The following SGIP1 variants were observed in gnomAD, a reference collection of about 807,000 sequenced individuals.
The protein encoded by SGIP1 is SH3-containing GRB2-like protein 3-interacting protein 1.
A neutral mutation model predicts 107.5 loss-of-function variants in SGIP1; 38 were observed. The ratio of observed to expected loss-of-function variants is 0.35; its 90% CI spans 0.27 to 0.46. SGIP1 has a LOEUF of 0.46. SGIP1 is among the 20% of genes least tolerant of loss of function. The pLI is 1.00. For missense variants in SGIP1, 929 were observed against 1,019.5 expected (o/e 0.91, Z 1.21); for synonymous variants, 365 against 366.1 (o/e 1.00, Z 0.03).
chr1:66,570,929 A>C (rs954485974), intron 1 of SGIP1, among the ~76,000 whole-genome samples: 1 of 151,994 alleles, frequency 6.6e-6, no homozygotes, highest in African/African-American at 2.4e-5. Context: ...CTGCTACCAA[A>C]GTAGCTTGAC....
At chr1:66,710,388 T>C (rs2092833467) in intron 18 of SGIP1, among the ~76,000 whole-genome samples, 1 of 152,154 alleles carries the variant, frequency 6.6e-6, no homozygotes. Context: ...CTGCTAATGA[T>C]AATGGCTGCC....
At chr1:66,659,550 A>C (rs182153567) in intron 7 of SGIP1, among the ~76,000 whole-genome samples, 49 of 152,218 alleles carry the variant, frequency 3.2e-4, no homozygotes, top group Non-Finnish European at 5.4e-4. Flanking sequence ...AACTCCTCTC[A>C]ATATTACAAG....
Position 66,713,203 on chromosome 1 carries a change from G to T in SGIP1, c.1631-6091G>T, listed in dbSNP as rs576707247. Among the ~76,000 whole-genome samples the T allele has an allele frequency of 2.0e-4, 30 of 152,154 alleles. No individual in the cohort carries two copies. The South Asian group carries it at 5.4e-3, about 27-fold the overall frequency. ...CCATTTTCTCATCTGTAAAACAAGG[G>T]CAAGAATGCTACTTACCTTATAGCA... On this transcript the variant is annotated intron_variant, in intron 18 of 24. Coordinates refer to ENST00000371037, the MANE Select transcript of SGIP1 (RefSeq NM_032291.4).
intron 2 of SGIP1, among the ~76,000 whole-genome samples, chr1:66,630,330 G>A (rs946289346): frequency 6.6e-6 from 1 of 152,084 alleles, no homozygotes; most frequent in Non-Finnish European, 1.5e-5. Context: ...AGCTTTTGCC[G>A]CATCTATTTC....
At position 66,656,447 on chromosome 1, in the gene SGIP1, A is replaced by G. The variant is rs1390501539; in HGVS notation, c.460-4066A>G. Among the ~76,000 whole-genome samples the G allele has an allele frequency of 6.6e-5, 10 of 152,232 alleles. No individual in the cohort carries two copies. The East Asian group carries it at 1.9e-3, about 29-fold the overall frequency. ...GCCATTTATATAATCAAGTATTTGT[A>G]CTTAATAATACAGCAGCACAGGCGG... On this transcript the variant is annotated intron_variant, in intron 7 of 24. Transcript: ENST00000371037.
At chr1:66,632,992 G>A in intron 2 of SGIP1, 78 bp from the exon 3 acceptor site, 1 of 920,810 alleles carries the variant, frequency 1.1e-6, no homozygotes, top group Non-Finnish European at 1.8e-6. Flanking sequence ...GTGGTTATTG[G>A]TTCTTACTGT....
At chr1:66,602,760 C>T (rs568507462) in intron 1 of SGIP1, among the ~76,000 whole-genome samples, 1 of 152,248 alleles carries the variant, frequency 6.6e-6, no homozygotes, top group African/African-American at 2.4e-5. Context: ...TCTCCTGGCT[C>T]ACCTCGAAAA....
At chr1:66,735,420 G>A (rs1043902940) in intron 21 of SGIP1, among the ~76,000 whole-genome samples, 1 of 151,696 alleles carries the variant, frequency 6.6e-6, no homozygotes, top group African/African-American at 2.4e-5. Context: ...TCACCATGTT[G>A]GCCAGGCTGG....
At chr1:66,694,934 G>A in intron 17 of SGIP1, 1 of 225,718 alleles carries the variant, frequency 4.4e-6, no homozygotes, top group Non-Finnish European at 8.5e-6. Flanking sequence ...GGGGATGGAA[G>A]ATATGTGACA....
chr1:66,639,756 T>C, intron 4 of SGIP1, 21 bp from the exon 5 acceptor site: 7 of 1,592,274 alleles, frequency 4.4e-6, no homozygotes, highest in Non-Finnish European at 6.0e-6. Flanking sequence ...CCTTCTAAAT[T>C]CATTTTCAAA....
intron 1 of SGIP1, among the ~76,000 whole-genome samples, chr1:66,562,038 C>T (rs1221271734): frequency 1.3e-5 from 2 of 151,944 alleles, no homozygotes; most frequent in East Asian, 3.9e-4. Flanking sequence ...CTCCTGACTT[C>T]CCAAATCGAA....
rs1441840744 is a variant in SGIP1, at chr1:66,677,092, T to C, written c.735T>C (p.Thr245=). 6.2e-7 allele frequency: 1 copy of C among 1,613,094 alleles called. No homozygotes were observed. Among genetic ancestry groups the C allele is most frequent in the South Asian group, 1.1e-5 (1 of 91,040 alleles). The part of the protein sequence containing the change: ...ESPKLTRPFP[T]GTPPPLPPKN... The stretch of plus-strand genomic sequence containing the variant: ...CAAAGTTAACAAGGCCTTTTCCCAC[T>C]GGAAGTAAGTTATGTGTCTGCTCTG... The change falls in exon 13 of 25, where the codon ACT becomes ACC. Residue 245 remains threonine, a synonymous_variant. Coordinates refer to ENST00000371037, the MANE Select transcript of SGIP1 (RefSeq NM_032291.4).
At position 66,743,270 on chromosome 1, in the gene SGIP1, C is replaced by T; in HGVS notation, c.*175C>T. 1 of 565,210 alleles carries T rather than the reference C, an allele frequency of 1.8e-6. No individual in the cohort carries two copies. Among genetic ancestry groups the T allele is most frequent in the South Asian group, 2.2e-5 (1 of 45,934 alleles). The allele number at this position is 565,210 out of a possible 1,614,324, so 35.0% of individuals were successfully genotyped here. On this transcript the variant is annotated 3_prime_UTR_variant, in exon 25 of 25. Coordinates refer to ENST00000371037, the MANE Select transcript of SGIP1 (RefSeq NM_032291.4). ...CTCACACACTACCATGATGACCAGT[C>T]CTACAGTATTTACTTCTAGGTGTAA...
At chr1:66,739,682 C>A (rs1486686870) in intron 22 of SGIP1, 145 bp downstream of exon 22, 2 of 738,456 alleles carry the variant, frequency 2.7e-6, no homozygotes, top group Non-Finnish European at 4.4e-6. Flanking sequence ...CCACTGGTAG[C>A]TATTTTAAGC....
rs144228836 is a variant in SGIP1 at position 66,596,386 on chromosome 1, C to T, written c.11-29461C>T. 3.1e-3 allele frequency among the ~76,000 whole-genome samples: 471 copies of T among 152,106 alleles called. 1 individual carries two copies. The highest frequency in any genetic ancestry group is 4.3e-3 in the Non-Finnish European group (293 of 68,020). On this transcript the variant is annotated intron_variant, in intron 1 of 24. Coordinates refer to ENST00000371037, the MANE Select transcript of SGIP1 (RefSeq NM_032291.4). Reference sequence around the variant, plus strand: ...GTCCCCTGTGTGGCTGGGTCTGGGACCTTTTATGGGCTCAGAATGGGGAGT... The same window carrying T: ...GTCCCCTGTGTGGCTGGGTCTGGGATCTTTTATGGGCTCAGAATGGGGAGT...
At chr1:66,586,483 T>C (rs2062631910) in intron 1 of SGIP1, among the ~76,000 whole-genome samples, 1 of 152,164 alleles carries the variant, frequency 6.6e-6, no homozygotes, top group Non-Finnish European at 1.5e-5. Context: ...TCTCATTGCA[T>C]AGAATTTCTA....
chr1:66,563,536 C>A (rs1206509593), intron 1 of SGIP1, among the ~76,000 whole-genome samples: 1 of 152,042 alleles, frequency 6.6e-6, no homozygotes, highest in East Asian at 1.9e-4. Flanking sequence ...TATCTCTTCA[C>A]AAGGGAAGAC....
chr1:66,687,641 T>C lies in SGIP1; in HGVS notation c.1316-1507T>C, dbSNP rs1179193742. 3.3e-5 allele frequency among the ~76,000 whole-genome samples: 5 copies of C among 152,232 alleles called. No homozygotes were observed. The East Asian group carries it at 9.6e-4, about 29-fold the overall frequency. On this transcript the variant is annotated intron_variant, in intron 15 of 24. Coordinates refer to ENST00000371037, the MANE Select transcript of SGIP1 (RefSeq NM_032291.4). The stretch of plus-strand genomic sequence containing the variant: ...GGAGGTACATACACAGTTTGAGCTA[T>C]ATGACCTGAGACAAGTTACTGAATA...
chr1:66,740,621 T>G (rs781128612), intron 22 of SGIP1, 37 bp from the exon 23 acceptor site: 149 of 1,404,214 alleles, frequency 1.1e-4, no homozygotes, highest in Non-Finnish European at 1.2e-4. Context: ...CAAAAACTCT[T>G]GGATATGCAA....
Sources: gnomAD v4.1 joint callset for allele counts (sites outside exome capture counted in the v4.1 genomes callset) on GRCh38, gnomAD v4.1.1 for gene constraint, MANE v1.5 for transcripts, NCBI Gene and HGNC (gene_info 2026-07-23, HGNC 2026-07-21) for gene names.